Variants in CSMD3 observed in about 807,000 individuals in gnomAD.
CSMD3 encodes CUB and sushi domain-containing protein 3.
In CSMD3, 177 loss-of-function variants were observed where a neutral mutation model predicts 435.2. That is an observed-to-expected ratio of 0.41 (90% CI 0.36 to 0.46). The LOEUF is 0.46. CSMD3 is among the 20% of genes least tolerant of loss of function. The probability of loss-of-function intolerance (pLI) is 0.34; values close to 1 mark genes in which losing one functional copy is unlikely to be tolerated. For synonymous variants in CSMD3, 1,656 were observed against 1,520.5 expected, an observed-to-expected ratio of 1.09 and a Z score of -2.07; for missense variants, 4,265 against 4,504.6, an observed-to-expected ratio of 0.95 and a Z score of 1.52.
At chr8:112,365,710 G>A (rs56259693) in intron 38 of CSMD3, among the ~76,000 whole-genome samples, 3 of 152,080 alleles carry the variant, frequency 2.0e-5, no homozygotes, top group East Asian at 1.9e-4. Context: ...TGGGAACAAC[G>A]CACCCAAACA....
intron 22 of CSMD3, among the ~76,000 whole-genome samples, chr8:112,588,022 G>A (rs924613545): frequency 1.3e-5 from 2 of 151,556 alleles, no homozygotes; most frequent in Non-Finnish European, 3.0e-5. Context: ...AAAAGCTTGT[G>A]GCAATATTGC....
intron 38 of CSMD3, among the ~76,000 whole-genome samples, chr8:112,364,110 G>T (rs981506823): frequency 1.3e-5 from 2 of 151,944 alleles, no homozygotes; most frequent in African/African-American, 4.8e-5. Flanking sequence ...TATTGCTCGA[G>T]GATGGGAAGC....
intron 2 of CSMD3, among the ~76,000 whole-genome samples, chr8:113,301,754 A>C (rs1022622829): frequency 6.6e-5 from 10 of 151,948 alleles, no homozygotes; most frequent in Admixed American, 6.6e-4. Flanking sequence ...AAATTTAATT[A>C]TTTTTCTGTA....
intron 27 of CSMD3, among the ~76,000 whole-genome samples, chr8:112,528,325 A>G (rs59218005): frequency 6.6e-6 from 1 of 152,176 alleles, no homozygotes; most frequent in East Asian, 1.9e-4. Flanking sequence ...ATAATATCTT[A>G]AAATAACTAG....
In CSMD3 at chr8:112,224,922, G is replaced by C. The variant is rs776651395; in HGVS notation, c.10973C>G (p.Pro3658Arg). ...TGAACATCCTGTATACTGTGTTTTA[G>C]GTGCAGTCCTGTTGATGAGAACATT... ...GFYLYKQRTA[P>R]KTQYTGCSVH... is the part of the protein sequence containing the mutation. Residue 3658 changes from proline to arginine, a missense_variant, in exon 71 of 71, where the codon CCT becomes CGT. Pro to Arg is a moderately radical substitution (Grantham distance 103). Coordinates refer to ENST00000297405, the MANE Select transcript of CSMD3 (RefSeq NM_198123.2). 2 of 1,613,818 alleles carry C rather than the reference G, an allele frequency of 1.2e-6. No individual in the cohort carries two copies. The highest frequency in any genetic ancestry group is 2.7e-5 in the African/African-American group (2 of 74,878).
chr8:112,307,485 G>C (rs1338833695), intron 50 of CSMD3, among the ~76,000 whole-genome samples: 1 of 152,000 alleles, frequency 6.6e-6, no homozygotes. Context: ...TTTTCGTCAT[G>C]TTGGCCAGGC....
intron 1 of CSMD3, among the ~76,000 whole-genome samples, chr8:113,318,981 C>T (rs2093930555): frequency 6.6e-6 from 1 of 151,906 alleles, no homozygotes; most frequent in South Asian, 2.1e-4. Context: ...CACATTTTGA[C>T]TATTATGAAT....
At chr8:113,334,304 G>T (rs2094053240) in intron 1 of CSMD3, among the ~76,000 whole-genome samples, 2 of 113,336 alleles carry the variant, frequency 1.8e-5, no homozygotes, top group Non-Finnish European at 3.6e-5. Flanking sequence ...TTCATTTCCA[G>T]CCTGTGTACC....
chr8:113,147,006 T>C (rs1004543479), intron 4 of CSMD3, among the ~76,000 whole-genome samples: 1 of 151,702 alleles, frequency 6.6e-6, no homozygotes, highest in African/African-American at 2.4e-5. Context: ...ACTTGCACTG[T>C]GTACTACTAG....
rs116676464 is a variant in CSMD3, at chr8:112,415,663, T to C, written c.5396-6631A>G. 3.6e-3 allele frequency among the ~76,000 whole-genome samples: 555 copies of C among 152,294 alleles called. 4 individuals carry two copies. The highest frequency in any genetic ancestry group is 0.013 in the African/African-American group (537 of 41,558). On this transcript the variant is annotated intron_variant, in intron 32 of 70. Coordinates refer to ENST00000297405, the MANE Select transcript of CSMD3 (RefSeq NM_198123.2). ...GTCACAGATGCTCAATGCCAGTCTA[T>C]GAAAGCAGCCAGGATGGGGGTTTTA...
chr8:112,964,644 G>A (rs562960793), intron 7 of CSMD3, among the ~76,000 whole-genome samples: 1 of 152,022 alleles, frequency 6.6e-6, no homozygotes, highest in African/African-American at 2.4e-5. Flanking sequence ...CAGAAGAGTT[G>A]ATGAGACTTT....
intron 23 of CSMD3, among the ~76,000 whole-genome samples, chr8:112,574,123 T>G (rs1829752691): frequency 6.6e-6 from 1 of 152,050 alleles, no homozygotes. Flanking sequence ...TTGTTTCATA[T>G]TTGACATTTT....
At chr8:112,413,060 AT>A (rs1446109084) in intron 32 of CSMD3, among the ~76,000 whole-genome samples, 1 of 152,168 alleles carries the variant, frequency 6.6e-6, no homozygotes, top group East Asian at 1.9e-4. Flanking sequence ...TCTCGACCAC[AT>A]TTTTAATAAA....
In CSMD3 at chr8:112,721,446, G is replaced by C. The variant is rs537599958; in HGVS notation, c.1973-31396C>G. Among the ~76,000 whole-genome samples the C allele has an allele frequency of 7.9e-5, 12 of 152,086 alleles. No homozygotes were observed. In the East Asian group the frequency reaches 2.3e-3, roughly 30 times the overall value. On this transcript the variant is annotated intron_variant, in intron 13 of 70. Coordinates refer to ENST00000297405, the MANE Select transcript of CSMD3 (RefSeq NM_198123.2). The stretch of plus-strand genomic sequence containing the variant: ...AAAAATTAGCTCGGCATGGTGGTGG[G>C]AGGCCTGTAATCCCAGCTACTCAGG...
chr8:113,117,882 C>A (rs2131622774), intron 4 of CSMD3, among the ~76,000 whole-genome samples: 1 of 152,326 alleles, frequency 6.6e-6, no homozygotes, highest in Admixed American at 6.5e-5. Context: ...CCACTTGGAG[C>A]AGGCGTATTT....
intron 3 of CSMD3, among the ~76,000 whole-genome samples, chr8:113,221,942 C>T (rs1243441607): frequency 2.0e-5 from 3 of 151,238 alleles, no homozygotes; most frequent in Admixed American, 6.6e-5. Flanking sequence ...TTATTCCCTA[C>T]TACAACCCTG....
intron 4 of CSMD3, among the ~76,000 whole-genome samples, chr8:113,157,469 G>C (rs558102862): frequency 7.5e-6 from 1 of 133,202 alleles, no homozygotes; most frequent in East Asian, 1.9e-4. Flanking sequence ...TTTCTTCAAA[G>C]GTAAATGGAA....
chr8:113,210,050 C>T (rs1166979739), intron 3 of CSMD3, among the ~76,000 whole-genome samples: 1 of 120,278 alleles, frequency 8.3e-6, no homozygotes, highest in Non-Finnish European at 2.0e-5. Context: ...GTGTGTGATA[C>T]ACAGTGTTTT....
chr8:112,975,981 T>C lies in CSMD3; in HGVS notation c.1198A>G (p.Ser400Gly). ...LSEEQRVQVTSLRNSGLDPNT... is the reference protein window; with the variant it reads ...LSEEQRVQVTGLRNSGLDPNT... The stretch of plus-strand genomic sequence containing the variant: ...GGGTCCAGACCTGAATTTCTGAGAC[T>C]CGTAACTTGCACTCGCTGTTCCTCG... The change falls in exon 7 of 71, where the codon AGT becomes GGT. Residue 400 changes from serine (S) to glycine (G), a missense_variant. Coordinates refer to ENST00000297405, the MANE Select transcript of CSMD3 (RefSeq NM_198123.2). 1 of 1,614,042 alleles carries C rather than the reference T, an allele frequency of 6.2e-7. No homozygotes were observed. The highest frequency in any genetic ancestry group is 8.5e-7 in the Non-Finnish European group (1 of 1,179,966).
Sources: allele counts gnomAD v4.1 joint callset (sites outside exome capture counted in the v4.1 genomes callset), GRCh38; gene constraint gnomAD v4.1.1; transcripts MANE v1.5; gene names NCBI Gene and HGNC (gene_info 2026-07-23, HGNC 2026-07-21).